SMIM14: variants seen among roughly 807,000 people sequenced by gnomAD.
SMIM14 encodes the protein chromosome 4 open reading frame 34.
Under a neutral mutation model 12.6 loss-of-function variants are expected in SMIM14, and 5 were observed. The observed-to-expected ratio is 0.40, with a 90% confidence interval of 0.21 to 0.83. The LOEUF is 0.83. SMIM14 is among the 40% of genes least tolerant of loss of function. The probability of loss-of-function intolerance (pLI) is 0.37; values close to 1 mark genes in which losing one functional copy is unlikely to be tolerated. For synonymous variants in SMIM14, 30 were observed against 40.1 expected (o/e 0.75, Z 0.95); for missense variants, 86 against 119.1 (o/e 0.72, Z 1.29).
chr4:39,551,261 A>T lies in SMIM14; in HGVS notation c.*865T>A, dbSNP rs1352833384. On this transcript the variant is annotated 3_prime_UTR_variant, in exon 5 of 5. Transcript: ENST00000295958. Reference sequence around the variant, plus strand: ...GTTAGAACAGAAAAGAAGCTTCCCAAGAGGCACTCATTTTAAAAATAAATT... The same window carrying T: ...GTTAGAACAGAAAAGAAGCTTCCCATGAGGCACTCATTTTAAAAATAAATT... 3 of 152,338 alleles carry T rather than the reference A, an allele frequency of 2.0e-5. No homozygotes were observed. The highest frequency in any genetic ancestry group is 4.4e-5 in the Non-Finnish European group (3 of 68,042). The allele number at this position is 152,338 out of a possible 1,614,324, so 9.4% of individuals were successfully genotyped here. A position where few individuals can be genotyped will look rare whatever the true frequency, so the allele number is the denominator to read the frequency against.
chr4:39,599,933 C>CAAAAAAAAAAAAA (rs56285045), intron 2 of SMIM14, among the ~76,000 whole-genome samples: 11 of 115,080 alleles, frequency 9.6e-5, no homozygotes, highest in African/African-American at 1.1e-4. Context: ...AAAACAACAA[C>CAAAAAAAAAAAAA]AAAAAAAAAA....
chr4:39,556,093 G>A (rs763196284), intron 4 of SMIM14, among the ~76,000 whole-genome samples: 21 of 151,862 alleles, frequency 1.4e-4, no homozygotes, highest in Admixed American at 4.6e-4. Context: ...AGCCTAGGAG[G>A]TGGAGGCTTC....
intron 1 of SMIM14, among the ~76,000 whole-genome samples, chr4:39,629,012 C>T (rs544886738): frequency 6.6e-6 from 1 of 151,610 alleles, no homozygotes; most frequent in Admixed American, 6.6e-5. Context: ...GGATTACAGG[C>T]GTGAGCCACT....
At chr4:39,600,577 C>A (rs1473226669) in intron 2 of SMIM14, among the ~76,000 whole-genome samples, 1 of 152,152 alleles carries the variant, frequency 6.6e-6, no homozygotes, top group African/African-American at 2.4e-5. Context: ...GTAATCCCAG[C>A]TACTCAGGAG....
At position 39,578,818 on chromosome 4, in the gene SMIM14, T is replaced by A. The variant is rs144610669; in HGVS notation, c.76-6355A>T. ...CGAGACAAGCCTGGCCAAAATGGTG[T>A]AACCCTGTCTCTACTAAAAATACAA... On this transcript the variant is annotated intron_variant, in intron 2 of 4. Coordinates refer to ENST00000295958, the MANE Select transcript of SMIM14 (RefSeq NM_174921.3). 4.6e-3 allele frequency among the ~76,000 whole-genome samples: 693 copies of A among 151,704 alleles called. 5 individuals are homozygous for A. The highest frequency in any genetic ancestry group is 0.016 in the African/African-American group (658 of 41,364).
At chr4:39,556,084 G>A (rs1711995531) in intron 4 of SMIM14, among the ~76,000 whole-genome samples, 2 of 151,834 alleles carry the variant, frequency 1.3e-5, no homozygotes, top group South Asian at 2.1e-4. Flanking sequence ...TGAGGTGGGA[G>A]CCTAGGAGGT....
chr4:39,599,908 T>G (rs1714532353), intron 2 of SMIM14, among the ~76,000 whole-genome samples: 2 of 131,378 alleles, frequency 1.5e-5, no homozygotes, highest in Admixed American at 8.5e-5. Context: ...AACAACAGAG[T>G]GAGACTCCGT....
At chr4:39,618,862 C>T (rs1715324662) in intron 1 of SMIM14, among the ~76,000 whole-genome samples, 1 of 151,832 alleles carries the variant, frequency 6.6e-6, no homozygotes, top group Admixed American at 6.6e-5. Flanking sequence ...GTGTCAAGCC[C>T]CCTGTTGAGA....
chr4:39,555,513 G>A (rs375021600), intron 4 of SMIM14, among the ~76,000 whole-genome samples: 3 of 152,274 alleles, frequency 2.0e-5, no homozygotes, highest in Non-Finnish European at 4.4e-5. Context: ...GATTGCAGGC[G>A]TGAGCCACAG....
rs1026441586 is a variant in SMIM14 at position 39,573,865 on chromosome 4, ATGTC to A, written c.76-1406_76-1403del. Reference sequence around the variant, plus strand: ...ACAGAAATAGGAGCTGAAGTTTTCAATGTCTGTCTTTTTATATAATTTTAGAATC... The same window carrying A: ...ACAGAAATAGGAGCTGAAGTTTTCAATGTCTTTTTATATAATTTTAGAATC... On this transcript the variant is annotated intron_variant, in intron 2 of 4. Coordinates refer to ENST00000295958, the MANE Select transcript of SMIM14 (RefSeq NM_174921.3). Among the ~76,000 whole-genome samples the A allele has an allele frequency of 9.2e-5, 14 of 152,316 alleles. No homozygotes were observed. In the East Asian group the frequency reaches 2.7e-3, roughly 29 times the overall value.
At chr4:39,578,223 C>T (rs896792604) in intron 2 of SMIM14, among the ~76,000 whole-genome samples, 1 of 152,180 alleles carries the variant, frequency 6.6e-6, no homozygotes, top group Admixed American at 6.6e-5. Flanking sequence ...TCATAGCTCA[C>T]TGCAGCCTAC....
intron 1 of SMIM14, among the ~76,000 whole-genome samples, chr4:39,625,801 T>G (rs2110078804): frequency 6.6e-6 from 1 of 152,358 alleles, no homozygotes; most frequent in South Asian, 2.1e-4. Context: ...GGGCATACTA[T>G]TCAAAAGGAA....
At chr4:39,594,042 GA>G (rs1714242177) in intron 2 of SMIM14, 1 of 152,000 alleles carries the variant, frequency 6.6e-6, no homozygotes, top group African/African-American at 2.4e-5. Context: ...CATAGAATTG[GA>G]AAAAACTACT....
chr4:39,638,742 C>T lies in SMIM14; in HGVS notation c.-39G>A. 2 of 985,490 alleles carry T rather than the reference C, an allele frequency of 2.0e-6. No homozygotes were observed. Among genetic ancestry groups the T allele is most frequent in the Non-Finnish European group, 2.4e-6 (2 of 830,024 alleles). The allele number at this position is 985,490 out of a possible 1,614,324, so 61.0% of individuals were successfully genotyped here. A position where few individuals can be genotyped will look rare whatever the true frequency, so the allele number is the denominator to read the frequency against. ...TGGGAGAGGGGGAGACACTCACCCGCCCAGACAACAACCGATGGGGCGGGG... is the reference window on the plus strand; with the variant it reads ...TGGGAGAGGGGGAGACACTCACCCGTCCAGACAACAACCGATGGGGCGGGG... On this transcript the variant is annotated 5_prime_UTR_variant, in exon 1 of 5. Transcript: ENST00000295958.
intron 1 of SMIM14, among the ~76,000 whole-genome samples, chr4:39,613,928 T>C (rs1368105781): frequency 6.6e-6 from 1 of 152,112 alleles, no homozygotes; most frequent in Non-Finnish European, 1.5e-5. Flanking sequence ...GGTGGGCTCA[T>C]GCTTGTAATC....
At chr4:39,629,748 G>A (rs932557744) in intron 1 of SMIM14, among the ~76,000 whole-genome samples, 9 of 151,906 alleles carry the variant, frequency 5.9e-5, no homozygotes, top group South Asian at 2.1e-4. Flanking sequence ...CTCAGGCTCC[G>A]GAGCAGCTGA....
intron 2 of SMIM14, among the ~76,000 whole-genome samples, chr4:39,590,871 T>C (rs1448263694): frequency 1.3e-5 from 2 of 152,128 alleles, no homozygotes; most frequent in African/African-American, 2.4e-5. Flanking sequence ...CAGAATTATA[T>C]GTAACATGAT....
chr4:39,576,658 G>GTATATATATATATATATATATATATA (rs1390098435), intron 2 of SMIM14, among the ~76,000 whole-genome samples: 7 of 40,420 alleles, frequency 1.7e-4, no homozygotes, highest in East Asian at 1.7e-3. Flanking sequence ...GTGTGTGTAT[G>GTATATATATATATATATATATATATA]TGTATATATA....
At chr4:39,591,678 C>T (rs1272594152) in intron 2 of SMIM14, among the ~76,000 whole-genome samples, 1 of 152,084 alleles carries the variant, frequency 6.6e-6, no homozygotes, top group African/African-American at 2.4e-5. Context: ...GTCTCAGCCT[C>T]CCAAGTAGCT....
Sources: allele counts gnomAD v4.1 joint callset (sites outside exome capture counted in the v4.1 genomes callset), GRCh38; gene constraint gnomAD v4.1.1; transcripts MANE v1.5; gene names NCBI Gene and HGNC (gene_info 2026-07-23, HGNC 2026-07-21).